The following NDUFB9 variants were observed in gnomAD, a reference collection of about 807,000 sequenced individuals.
NDUFB9 encodes NADH:ubiquinone oxidoreductase subunit B9, also known as NADH dehydrogenase [ubiquinone] 1 beta subcomplex subunit 9.
A neutral mutation model predicts 30.2 loss-of-function variants in NDUFB9; 24 were observed. The observed-to-expected ratio is 0.80, with a 90% CI of 0.58 to 1.12. The LOEUF is 1.12. NDUFB9 is among the 50% of genes most tolerant of loss of function. NDUFB9 has a pLI of 0.00. For synonymous variants in NDUFB9, 80 were observed against 84.0 expected (o/e 0.95, Z 0.26); for missense variants, 204 against 226.0 (o/e 0.90, Z 0.62).
chr8:124,549,230 T>C (rs1229820344), intron 3 of NDUFB9, among the ~76,000 whole-genome samples: 1 of 152,240 alleles, frequency 6.6e-6, no homozygotes, highest in Non-Finnish European at 1.5e-5. Context: ...CTGGAGGTAG[T>C]AGGGCAGCAC....
At chr8:124,541,528 T>G (rs1821986346) in intron 1 of NDUFB9, among the ~76,000 whole-genome samples, 1 of 152,258 alleles carries the variant, frequency 6.6e-6, no homozygotes. Flanking sequence ...ATTGACTGTT[T>G]ATGACAACCT....
intron 2 of NDUFB9, among the ~76,000 whole-genome samples, chr8:124,544,563 T>G (rs754564787): frequency 2.0e-5 from 3 of 152,238 alleles, no homozygotes; most frequent in Non-Finnish European, 4.4e-5. Context: ...GTTGAAGCCA[T>G]TGTTCATTTG....
intron 3 of NDUFB9, among the ~76,000 whole-genome samples, chr8:124,547,970 G>A (rs552824374): frequency 3.3e-5 from 5 of 151,554 alleles, no homozygotes; most frequent in East Asian, 3.9e-4. Context: ...GGGCGACAGA[G>A]CAAGACTCCA....
rs1438715159 is a variant in NDUFB9 at position 124,543,256 on chromosome 8, T to C, written c.271T>C (p.Tyr91His). 6.2e-7 allele frequency: 1 copy of C among 1,614,050 alleles called. No individual in the cohort carries two copies. The highest frequency in any genetic ancestry group is 1.7e-5 in the Admixed American group (1 of 60,024). Residue 91 changes from tyrosine (Y) to histidine (H), a missense_variant, in exon 2 of 4, where the codon TAT becomes CAT. By Grantham distance (83) the Tyr-to-His change is moderately conservative (BLOSUM62 2). Transcript: ENST00000276689. ...IFPDSPGGTS[Y>H]ERYDCYKVPE... ...CCCTGACTCTCCTGGGGGCACCTCC[T>C]ATGAGAGATACGATTGCTACAAGGT... is the stretch of plus-strand genomic sequence containing the variant.
chr8:124,539,281 T>C lies in NDUFB9; in HGVS notation c.95T>C (p.Val32Ala). ...RALRHLESWCVQRDKYRYFAC... is the reference protein window; with the variant it reads ...RALRHLESWCAQRDKYRYFAC... Reference sequence around the variant, plus strand: ...CTACGCCACCTCGAGTCGTGGTGCGTCCAGAGGTAAGGGATGGGGACCCAG... The same window carrying C: ...CTACGCCACCTCGAGTCGTGGTGCGCCCAGAGGTAAGGGATGGGGACCCAG... Residue 32 changes from valine (V) to alanine (A), a missense_variant, in exon 1 of 4, where the codon GTC becomes GCC. Transcript: ENST00000276689. 1.2e-6 allele frequency: 2 copies of C among 1,614,072 alleles called. No homozygotes were observed. Among genetic ancestry groups the C allele is most frequent in the African/African-American group, 2.7e-5 (2 of 75,030 alleles).
rs1586706592 is a variant in NDUFB9, at chr8:124,539,176, T to G, written c.-11T>G. 6.2e-7 allele frequency: 1 copy of G among 1,614,046 alleles called. No individual in the cohort carries two copies. On this transcript the variant is annotated 5_prime_UTR_variant, in exon 1 of 4. Transcript: ENST00000276689. ...CGGCTCTCCGCGCGGCCGGGGAAGG[T>G]CAGCGCCGTAATGGCGTTCTTGGCG...
intron 3 of NDUFB9, among the ~76,000 whole-genome samples, chr8:124,549,196 C>T (rs1822261986): frequency 6.6e-6 from 1 of 152,236 alleles, no homozygotes; most frequent in Non-Finnish European, 1.5e-5. Context: ...TCTGTTAGGA[C>T]ATTTATCTTG....
intron 1 of NDUFB9, among the ~76,000 whole-genome samples, chr8:124,540,862 G>A (rs768260881): frequency 7.2e-5 from 11 of 152,106 alleles, no homozygotes; most frequent in Admixed American, 2.0e-4. Flanking sequence ...GCTGTAGTTC[G>A]AATTGCTTGT....
At chr8:124,542,635 G>C (rs983530052) in intron 1 of NDUFB9, among the ~76,000 whole-genome samples, 1 of 152,098 alleles carries the variant, frequency 6.6e-6, no homozygotes, top group African/African-American at 2.4e-5. Context: ...ACCTAGCTCT[G>C]TATGAGCTAA....
chr8:124,546,539 C>CA (rs1822164489), intron 2 of NDUFB9: 1 of 191,714 alleles, frequency 5.2e-6, no homozygotes, highest in African/African-American at 2.4e-5. Context: ...TCTTAGGTGT[C>CA]AGTTTTCTCT....
chr8:124,548,040 T>G (rs546257424), intron 3 of NDUFB9, among the ~76,000 whole-genome samples: 152 of 149,868 alleles, frequency 1.0e-3, no homozygotes, highest in African/African-American at 3.6e-3. Flanking sequence ...ACATCTGGAG[T>G]TTGGTGATGT....
chr8:124,542,180 T>A (rs1398669145), intron 1 of NDUFB9, among the ~76,000 whole-genome samples: 1 of 152,090 alleles, frequency 6.6e-6, no homozygotes, highest in Non-Finnish European at 1.5e-5. Flanking sequence ...CCTCCCAAAG[T>A]GCTGGGATTA....
Position 124,539,128 on chromosome 8 carries a change from C to T in NDUFB9, c.-59C>T, listed in dbSNP as rs1252778864. ...CCTTCCGGCTGGCCCCGCTCAGTCA[C>T]CCGCAGCAGGCGTGCAGTTTCCCGG... On this transcript the variant is annotated 5_prime_UTR_variant, in exon 1 of 4. Transcript: ENST00000276689. 2 of 1,612,848 alleles carry T rather than the reference C, an allele frequency of 1.2e-6. No individual in the cohort carries two copies. The highest frequency in any genetic ancestry group is 1.7e-6 in the Non-Finnish European group (2 of 1,178,992).
intron 2 of NDUFB9, among the ~76,000 whole-genome samples, chr8:124,546,524 C>T (rs967246112): frequency 1.3e-5 from 2 of 152,216 alleles, no homozygotes; most frequent in Non-Finnish European, 2.9e-5. Flanking sequence ...TGTGCCTGTA[C>T]TGTTTCTTAG....
Position 124,539,259 on chromosome 8 carries a change from C to G in NDUFB9, c.73C>G (p.Arg25Gly). ...KVLRLYKRALRHLESWCVQRD... is the reference protein window; with the variant it reads ...KVLRLYKRALGHLESWCVQRD... ...GTTGCGGCTTTATAAGCGGGCGCTA[C>G]GCCACCTCGAGTCGTGGTGCGTCCA... The change falls in exon 1 of 4, where the codon CGC (arginine) becomes GGC (glycine). Residue 25 changes from arginine (R) to glycine (G), a missense_variant. By Grantham distance (125) the Arg-to-Gly change is moderately radical. Transcript: ENST00000276689. The G allele has an allele frequency of 6.2e-7, 1 of 1,614,228 alleles. No individual in the cohort carries two copies. The highest frequency in any genetic ancestry group is 8.5e-7 in the Non-Finnish European group (1 of 1,180,040).
At chr8:124,539,695 C>G (rs1586708072) in intron 1 of NDUFB9, among the ~76,000 whole-genome samples, 1 of 152,298 alleles carries the variant, frequency 6.6e-6, no homozygotes, top group East Asian at 1.9e-4. Context: ...CTGCAAAACT[C>G]TAGGAGTTAG....
intron 3 of NDUFB9, among the ~76,000 whole-genome samples, chr8:124,547,669 G>T (rs1822195001): frequency 6.6e-6 from 1 of 152,080 alleles, no homozygotes; most frequent in African/African-American, 2.4e-5. Flanking sequence ...GTGGGTGAGG[G>T]ATGGGGAGGA....
chr8:124,549,114 A>G (rs12545267), intron 3 of NDUFB9, among the ~76,000 whole-genome samples: 23,294 of 152,278 alleles, frequency 0.15, 2,240 homozygotes, highest in Admixed American at 0.24. Flanking sequence ...TACACATCCC[A>G]TCACTTCAAC....
chr8:124,548,397 A>G (rs1233095279), intron 3 of NDUFB9, among the ~76,000 whole-genome samples: 1 of 152,226 alleles, frequency 6.6e-6, no homozygotes, highest in Non-Finnish European at 1.5e-5. Context: ...CTTGTGTGAT[A>G]GCTTCCTTTT....
Sources: allele counts gnomAD v4.1 joint callset (sites outside exome capture counted in the v4.1 genomes callset), GRCh38; gene constraint gnomAD v4.1.1; transcripts MANE v1.5; gene names NCBI Gene and HGNC (gene_info 2026-07-23, HGNC 2026-07-21).